The following MPHOSPH9 variants were observed in gnomAD, a reference collection of about 807,000 sequenced individuals.
The protein encoded by MPHOSPH9 is M-phase phosphoprotein 9.
A neutral mutation model predicts 145.5 loss-of-function variants in MPHOSPH9; 88 were observed. The observed-to-expected ratio is 0.60, with a 90% CI of 0.51 to 0.72. The LOEUF (loss-of-function observed/expected upper bound fraction) is 0.72. Among genes scored for constraint, MPHOSPH9 ranks in the 30% least tolerant of loss-of-function variants. MPHOSPH9 has a pLI of 0.00. For missense variants in MPHOSPH9, 1,238 were observed against 1,386.6 expected (o/e 0.89, Z 1.70); for synonymous variants, 435 against 486.2 (o/e 0.89, Z 1.39).
chr12:123,187,852 GC>G (rs1205762683), intron 13 of MPHOSPH9, among the ~76,000 whole-genome samples: 3 of 152,160 alleles, frequency 2.0e-5, no homozygotes, highest in African/African-American at 7.2e-5. Context: ...TGGGCTGGGC[GC>G]CGTGGCTCGC....
chr12:123,215,974 A>G (rs1002334520), intron 6 of MPHOSPH9, among the ~76,000 whole-genome samples: 2 of 152,136 alleles, frequency 1.3e-5, no homozygotes, highest in Admixed American at 6.6e-5. Context: ...GCGGTGGCTC[A>G]CGCCTATAAT....
intron 2 of MPHOSPH9, 98 bp from the exon 3 acceptor site, chr12:123,227,714 G>A: frequency 1.9e-6 from 2 of 1,029,252 alleles, no homozygotes; most frequent in Non-Finnish European, 2.6e-6. Context: ...CAAAACCACT[G>A]ACATTTAATC....
chr12:123,223,337 G>A (rs2047297203), intron 3 of MPHOSPH9, among the ~76,000 whole-genome samples: 1 of 151,996 alleles, frequency 6.6e-6, no homozygotes, highest in African/African-American at 2.4e-5. Flanking sequence ...TCAAGGCTGG[G>A]AAACTTTCAG....
At chr12:123,190,611 G>A (rs1273061078) in intron 13 of MPHOSPH9, among the ~76,000 whole-genome samples, 1 of 152,136 alleles carries the variant, frequency 6.6e-6, no homozygotes, top group African/African-American at 2.4e-5. Context: ...AAACAATGTT[G>A]AAAGGGAAAA....
intron 6 of MPHOSPH9, 135 bp from the exon 7 acceptor site, chr12:123,214,969 C>T (rs1227259337): frequency 1.7e-5 from 12 of 716,730 alleles, no homozygotes; most frequent in African/African-American, 3.6e-5. Context: ...CCTGGCCAGG[C>T]GTGATAGCTC....
chr12:123,234,218 G>A (rs2047790927), upstream of MPHOSPH9, among the ~76,000 whole-genome samples: 2 of 152,108 alleles, frequency 1.3e-5, no homozygotes, highest in African/African-American at 2.4e-5. Flanking sequence ...CCAGCTACTC[G>A]ATTTACCTCC....
At position 123,194,373 on chromosome 12, in the gene MPHOSPH9, AT is replaced by A; in HGVS notation, c.2241+12del. On this transcript the variant is annotated intron_variant, in intron 13 of 23. Coordinates refer to ENST00000606320, the MANE Select transcript of MPHOSPH9 (RefSeq NM_022782.4). ...CCAATCACGTCATTAAGTTACTATT[AT>A]TCGCTACTTACATCTTGAAACATTT... 6.6e-7 allele frequency: 1 copy of A among 1,524,576 alleles called. No homozygotes were observed. Among genetic ancestry groups the A allele is most frequent in the Middle Eastern group, 2.4e-4 (1 of 4,232 alleles). 94.4% of individuals were successfully genotyped at this position (1,524,576 alleles called of 1,614,324 possible).
chr12:123,236,809 C>G (rs2047857936), upstream of MPHOSPH9, among the ~76,000 whole-genome samples: 1 of 152,070 alleles, frequency 6.6e-6, no homozygotes, highest in Admixed American at 6.5e-5. Flanking sequence ...AAATATGGGG[C>G]CGGGCGCGGT....
rs1007207649 is a variant in MPHOSPH9 at position 123,154,881 on chromosome 12, G to A, written c.*1926C>T. 1.3e-5 allele frequency: 2 copies of A among 151,886 alleles called. No individual in the cohort carries two copies. The highest frequency in any genetic ancestry group is 1.3e-4 in the Admixed American group (2 of 15,236). 9.4% of individuals were successfully genotyped at this position (151,886 alleles called of 1,614,324 possible). On this transcript the variant is annotated 3_prime_UTR_variant, in exon 24 of 24. Coordinates refer to ENST00000606320, the MANE Select transcript of MPHOSPH9 (RefSeq NM_022782.4). ...AAAGAATACCAAGAATAGGCCGGGT[G>A]TGGTGGCTCATGCCTGTAATCCCAG...
At chr12:123,230,180 G>T in intron 2 of MPHOSPH9, 81 bp downstream of exon 2, 1 of 737,742 alleles carries the variant, frequency 1.4e-6, no homozygotes, top group South Asian at 1.8e-5. Context: ...CAGTAACTAT[G>T]ACACTATTTG....
chr12:123,160,654 A>G, intron 23 of MPHOSPH9, 127 bp downstream of exon 23: 1 of 772,408 alleles, frequency 1.3e-6, no homozygotes, highest in South Asian at 2.0e-5. Context: ...GTAAAAGCTA[A>G]AAGTTTTGAC....
At position 123,161,257 on chromosome 12, in the gene MPHOSPH9, T is replaced by C. The variant is rs2044093216; in HGVS notation, c.3260A>G (p.Tyr1087Cys). The C allele has an allele frequency of 1.9e-6, 3 of 1,614,190 alleles. No individual in the cohort carries two copies. The highest frequency in any genetic ancestry group is 2.5e-6 in the Non-Finnish European group (3 of 1,180,022). ...GACTGAAACCGGCTTACACTGTTCG[T>C]AGCTAACTGATTTATTCTTCTCCCA... The part of the protein sequence containing the change: ...TAWEKNKSVS[Y>C]EQCKPVSVTP... The change falls in exon 22 of 24, where the codon TAC becomes TGC. Residue 1087 changes from tyrosine (Y) to cysteine (C), a missense_variant. Physicochemically the swap from Tyr to Cys is radical, Grantham distance 194 (BLOSUM62 -2). This residue lies in a region of MPHOSPH9 where 393 missense variants were observed against 462.5 expected (regional missense o/e 0.85). Coordinates refer to ENST00000606320, the MANE Select transcript of MPHOSPH9 (RefSeq NM_022782.4).
In MPHOSPH9 at chr12:123,155,576, T is replaced by C. The variant is rs578064326; in HGVS notation, c.*1231A>G. The C allele has an allele frequency of 6.6e-6, 1 of 152,322 alleles. No individual in the cohort carries two copies. The highest frequency in any genetic ancestry group is 2.4e-5 in the African/African-American group (1 of 41,560). The allele number at this position is 152,322 out of a possible 1,614,324, so 9.4% of individuals were successfully genotyped here. A position where few individuals can be genotyped will look rare whatever the true frequency, so the allele number is the denominator to read the frequency against. On this transcript the variant is annotated 3_prime_UTR_variant, in exon 24 of 24. Coordinates refer to ENST00000606320, the MANE Select transcript of MPHOSPH9 (RefSeq NM_022782.4). ...AATCCATTTTGAAAGTTTGGATGAG[T>C]CTGTTTATCAACATGTACCGAGCTG...
chr12:123,176,727 C>T lies in MPHOSPH9; in HGVS notation c.2417G>A (p.Arg806His), dbSNP rs777110388. ...QVEHENMLSLRHNSRIHVRPS... is the reference protein window; with the variant it reads ...QVEHENMLSLHHNSRIHVRPS... ...TCTCACGTGAATTCTAGAATTATGA[C>T]GAAGGCTTAACATATTTTCATGTTC... Residue 806 changes from arginine to histidine, a missense_variant, in exon 16 of 24, where the codon CGT (arginine) becomes CAT (histidine). Around this residue, in one of 3 missense-constraint regions of MPHOSPH9, gnomAD observed 393 missense variants for 462.5 expected, o/e 0.85. Coordinates refer to ENST00000606320, the MANE Select transcript of MPHOSPH9 (RefSeq NM_022782.4). 40 of 1,613,804 alleles carry T rather than the reference C, an allele frequency of 2.5e-5. No homozygotes were observed. In the Middle Eastern group the frequency reaches 6.6e-4, roughly 27 times the overall value.
At chr12:123,211,373 G>A (rs1359943049) in intron 7 of MPHOSPH9, among the ~76,000 whole-genome samples, 6 of 152,074 alleles carry the variant, frequency 3.9e-5, no homozygotes, top group South Asian at 2.1e-4. Context: ...CTCCCGCCCC[G>A]GCCTCCCAAA....
chr12:123,211,691 T>C (rs1417958896), intron 7 of MPHOSPH9, among the ~76,000 whole-genome samples: 2 of 139,024 alleles, frequency 1.4e-5, no homozygotes, highest in African/African-American at 2.6e-5. Flanking sequence ...TTTCTTTTTT[T>C]TTTTTTTTTT....
At chr12:123,152,753 A>C, downstream of MPHOSPH9, 1 of 355,936 alleles carries the variant, frequency 2.8e-6, no homozygotes, top group Non-Finnish European at 5.6e-6. Flanking sequence ...TTCCAGCAAA[A>C]TTTGTGCAAT....
chr12:123,210,977 CTTTTTTTTTTTTT>C (rs907442708), intron 7 of MPHOSPH9, among the ~76,000 whole-genome samples: 10 of 89,786 alleles, frequency 1.1e-4, no homozygotes, highest in African/African-American at 2.9e-4. Flanking sequence ...TTTGTTTTTT[CTTTTTTTTTTTTT>C]TTTTTTTTTT....
chr12:123,223,564 T>C lies in MPHOSPH9; in HGVS notation c.259-437A>G, dbSNP rs2138620691. Among the ~76,000 whole-genome samples, 2 of 152,248 alleles carry C rather than the reference T, an allele frequency of 1.3e-5. 1 individual carries two copies. The highest frequency in any genetic ancestry group is 4.2e-4 in the South Asian group (2 of 4,818). Reference sequence around the variant, plus strand: ...TCCTCTGTTCGTGAGCATGCCAAAATTGTCTCCCACCTCACAGCTGAGCAC... The same window carrying C: ...TCCTCTGTTCGTGAGCATGCCAAAACTGTCTCCCACCTCACAGCTGAGCAC... On this transcript the variant is annotated intron_variant, in intron 3 of 23. Transcript: ENST00000606320.
Sources: gnomAD v4.1 joint callset for allele counts (sites outside exome capture counted in the v4.1 genomes callset) on GRCh38, gnomAD v4.1.1 for gene constraint, gnomAD v4.1.1 regional missense constraint, MANE v1.5 for transcripts, NCBI Gene and HGNC (gene_info 2026-07-23, HGNC 2026-07-21) for gene names.